The following GPR176 variants were observed in gnomAD, a reference collection of about 807,000 sequenced individuals.
GPR176 encodes G-protein coupled receptor 176.
In GPR176, 26 loss-of-function variants were observed where a neutral mutation model predicts 35.4. The ratio of observed to expected loss-of-function variants is 0.74; its 90% confidence interval spans 0.54 to 1.02. The LOEUF (loss-of-function observed/expected upper bound fraction) is 1.02. Ranked by LOEUF, GPR176 falls within the 50% of genes least tolerant of loss-of-function variation. The pLI is 0.00. For synonymous variants in GPR176, 278 were observed against 271.3 expected (o/e 1.02, Z -0.24); for missense variants, 597 against 665.3 (o/e 0.90, Z 1.13).
At chr15:39,890,802 T>C (rs2032844044) in intron 1 of GPR176, among the ~76,000 whole-genome samples, 1 of 152,154 alleles carries the variant, frequency 6.6e-6, no homozygotes, top group South Asian at 2.1e-4. Flanking sequence ...CTGGTAATGG[T>C]AAGAAACCTG....
At chr15:39,896,448 A>G (rs921811796) in intron 1 of GPR176, among the ~76,000 whole-genome samples, 5 of 152,256 alleles carry the variant, frequency 3.3e-5, no homozygotes, top group Non-Finnish European at 1.5e-5. Flanking sequence ...GAATGGTTAC[A>G]TGGTTACATA....
At chr15:39,819,660 C>G (rs548607595) in intron 1 of GPR176, among the ~76,000 whole-genome samples, 1 of 152,190 alleles carries the variant, frequency 6.6e-6, no homozygotes, top group Non-Finnish European at 1.5e-5. Context: ...TCATGCTACA[C>G]TGTAATTAGT....
At chr15:39,866,412 T>C (rs1033386329) in intron 1 of GPR176, among the ~76,000 whole-genome samples, 2 of 152,144 alleles carry the variant, frequency 1.3e-5, no homozygotes, top group African/African-American at 4.8e-5. Flanking sequence ...AATGTAATTG[T>C]CTCACATTAG....
Position 39,801,787 on chromosome 15 carries a change from GA to G in GPR176, c.892del (p.Ser298ProfsTer26). On this transcript the variant is annotated frameshift_variant, in exon 3 of 3. Coordinates refer to ENST00000561100, the MANE Select transcript of GPR176 (RefSeq NM_007223.3). LOFTEE classifies it high-confidence loss of function. The part of the protein sequence containing the change: ...YQTVLNVPDT[S>X]VFLLLTAVWL... The stretch of plus-strand genomic sequence containing the variant: ...AACAGCAGTGAGCAGCAAGAAGACG[GA>G]AGTGTCAGGGACATTGAGCACAGTC... 1.2e-6 allele frequency: 2 copies of G among 1,613,936 alleles called. No individual in the cohort carries two copies. The highest frequency in any genetic ancestry group is 2.2e-5 in the South Asian group (2 of 91,080).
chr15:39,816,550 C>T (rs1899919079), intron 1 of GPR176, among the ~76,000 whole-genome samples: 2 of 152,094 alleles, frequency 1.3e-5, no homozygotes, highest in Non-Finnish European at 2.9e-5. Context: ...ATATCAATGA[C>T]CTTGGCATTG....
chr15:39,917,999 C>T (rs954791584), intron 1 of GPR176, among the ~76,000 whole-genome samples: 1 of 136,538 alleles, frequency 7.3e-6, no homozygotes, highest in Non-Finnish European at 1.5e-5. Context: ...GAGCGGAGAT[C>T]ATGCCATTGC....
chr15:39,828,342 C>T (rs1235974536), intron 1 of GPR176, among the ~76,000 whole-genome samples: 2 of 152,158 alleles, frequency 1.3e-5, no homozygotes, highest in Non-Finnish European at 2.9e-5. Flanking sequence ...TTGACACTAA[C>T]ATGTTGTCTA....
At chr15:39,830,190 A>C (rs1377313039) in intron 1 of GPR176, among the ~76,000 whole-genome samples, 2 of 152,194 alleles carry the variant, frequency 1.3e-5, no homozygotes. Flanking sequence ...GATACTGAAC[A>C]ATCAATGAGC....
chr15:39,891,675 G>A (rs1057119065), intron 1 of GPR176, among the ~76,000 whole-genome samples: 4 of 152,056 alleles, frequency 2.6e-5, no homozygotes, highest in Non-Finnish European at 5.9e-5. Flanking sequence ...ACGGGCACCA[G>A]AATGAAACTA....
At chr15:39,835,490 G>C (rs1278450039) in intron 1 of GPR176, among the ~76,000 whole-genome samples, 2 of 151,388 alleles carry the variant, frequency 1.3e-5, no homozygotes, top group Non-Finnish European at 3.0e-5. Flanking sequence ...CCAAGAGATA[G>C]TCCAGGACTG....
chr15:39,902,661 C>T (rs1327863121), intron 1 of GPR176, among the ~76,000 whole-genome samples: 1 of 152,178 alleles, frequency 6.6e-6, no homozygotes, highest in African/African-American at 2.4e-5. Context: ...CGCTTGAACT[C>T]TGTGTTCCTG....
chr15:39,820,032 AAATGGCATT>A (rs1284425432), intron 1 of GPR176, among the ~76,000 whole-genome samples: 1 of 152,248 alleles, frequency 6.6e-6, no homozygotes, highest in African/African-American at 2.4e-5. Flanking sequence ...AAGGAGCTAG[AAATGGCATT>A]CCAATTCTTC....
chr15:39,883,730 G>A (rs940409087), intron 1 of GPR176, among the ~76,000 whole-genome samples: 3 of 151,896 alleles, frequency 2.0e-5, no homozygotes, highest in Non-Finnish European at 4.4e-5. Flanking sequence ...TTCTTCATAG[G>A]TCTAAAGGTC....
intron 1 of GPR176, among the ~76,000 whole-genome samples, chr15:39,832,430 G>A (rs915272301): frequency 2.6e-5 from 4 of 152,098 alleles, no homozygotes; most frequent in African/African-American, 7.2e-5. Context: ...TTATATTACA[G>A]TTCTGGTGGT....
At chr15:39,824,421 C>A (rs1427972241) in intron 1 of GPR176, among the ~76,000 whole-genome samples, 1 of 152,240 alleles carries the variant, frequency 6.6e-6, no homozygotes, top group African/African-American at 2.4e-5. Context: ...CTTTTTAGGT[C>A]TTCTTCCAAG....
chr15:39,857,796 G>A (rs574685716), intron 1 of GPR176, among the ~76,000 whole-genome samples: 9 of 149,806 alleles, frequency 6.0e-5, no homozygotes, highest in Non-Finnish European at 1.0e-4. Context: ...GTGAAACCCC[G>A]TCTCTACTAA....
chr15:39,814,187 T>A (rs1397130143), intron 1 of GPR176, among the ~76,000 whole-genome samples: 1 of 152,234 alleles, frequency 6.6e-6, no homozygotes, highest in Admixed American at 6.5e-5. Context: ...TCTTTGAATT[T>A]TATCCTGCCT....
At chr15:39,895,952 T>C (rs2033099425) in intron 1 of GPR176, among the ~76,000 whole-genome samples, 1 of 152,218 alleles carries the variant, frequency 6.6e-6, no homozygotes, top group African/African-American at 2.4e-5. Context: ...ATTTAAAATA[T>C]TCAAGCAAAA....
At chr15:39,887,747 C>T (rs1007458459) in intron 1 of GPR176, among the ~76,000 whole-genome samples, 3 of 152,084 alleles carry the variant, frequency 2.0e-5, no homozygotes, top group Non-Finnish European at 2.9e-5. Flanking sequence ...GATTTTCAAG[C>T]GGAAAGATTC....
Sources: gnomAD v4.1 joint callset for allele counts (sites outside exome capture counted in the v4.1 genomes callset) on GRCh38, gnomAD v4.1.1 for gene constraint, MANE v1.5 for transcripts, NCBI Gene and HGNC (gene_info 2026-07-23, HGNC 2026-07-21) for gene names.